The following IL5RA variants were observed in gnomAD, a reference collection of about 807,000 sequenced individuals.
IL5RA encodes interleukin-5 receptor subunit alpha.
IL5RA carries 49 observed loss-of-function variants against 50.0 expected under a neutral mutation model. That is an observed-to-expected ratio of 0.98 (90% CI 0.78 to 1.24). IL5RA has a LOEUF of 1.24. IL5RA is among the 50% of genes most tolerant of loss of function. The pLI is 0.00. For missense variants in IL5RA, 600 were observed against 500.4 expected, an observed-to-expected ratio of 1.20 and a Z score of -1.90; for synonymous variants, 202 against 174.0, an observed-to-expected ratio of 1.16 and a Z score of -1.26.
At chr3:3,080,843 C>T (rs745350105) in intron 9 of IL5RA, among the ~76,000 whole-genome samples, 3 of 152,138 alleles carry the variant, frequency 2.0e-5, no homozygotes, top group Non-Finnish European at 4.4e-5. Flanking sequence ...CACAGGCACG[C>T]ATCACCATGC....
chr3:3,094,719 TG>T (rs1703273626), intron 8 of IL5RA, among the ~76,000 whole-genome samples: 1 of 117,990 alleles, frequency 8.5e-6, no homozygotes, highest in Non-Finnish European at 2.0e-5. Context: ...TTTAGTTTTT[TG>T]TTTTTTTGTT....
At chr3:3,088,935 C>T (rs573253545) in intron 9 of IL5RA, among the ~76,000 whole-genome samples, 5 of 152,202 alleles carry the variant, frequency 3.3e-5, no homozygotes, top group African/African-American at 1.2e-4. Flanking sequence ...AAATTAATGA[C>T]CTTGTTAAAA....
At position 3,069,971 on chromosome 3, in the gene IL5RA, C is replaced by G; in HGVS notation, c.*254G>C. On this transcript the variant is annotated 3_prime_UTR_variant, in exon 12 of 12. Transcript: ENST00000446632. ...GATTGGCAGGTGAGGAGGTGCTACC[C>G]TGTACGGCATGGGGAGAAAAAACAT... The G allele has an allele frequency of 2.6e-6, 1 of 386,690 alleles. No individual in the cohort carries two copies. The highest frequency in any genetic ancestry group is 4.6e-6 in the Non-Finnish European group (1 of 215,122). The allele number at this position is 386,690 out of a possible 1,614,324, so 24.0% of individuals were successfully genotyped here.
intron 9 of IL5RA, among the ~76,000 whole-genome samples, chr3:3,085,917 G>A (rs1164995028): frequency 6.8e-6 from 1 of 148,060 alleles, no homozygotes; most frequent in African/African-American, 2.7e-5. Flanking sequence ...CCTGTCTGCT[G>A]TGACCTCATG....
intron 8 of IL5RA, among the ~76,000 whole-genome samples, chr3:3,094,139 T>G (rs1574997737): frequency 6.6e-6 from 1 of 152,318 alleles, no homozygotes; most frequent in South Asian, 2.1e-4. Flanking sequence ...ATAATGAAAT[T>G]TACCATCTTA....
At position 3,098,262 on chromosome 3, in the gene IL5RA, TA is replaced by T; in HGVS notation, c.395del (p.Leu132Ter). 3.7e-6 allele frequency: 6 copies of T among 1,614,108 alleles called. No individual in the cohort carries two copies. The South Asian group carries it at 6.6e-5, about 18-fold the overall frequency. The part of the protein sequence containing the change: ...PGSPGTSIVN[L>X]TCTTNTTEDN... ...CTTCTGTAGTGTTTGTGGTGCAAGT[TA>T]AATTCACAATTGAGGTTCCAGGAGA... is the stretch of plus-strand genomic sequence containing the variant. On this transcript the variant is annotated frameshift_variant, in exon 6 of 12. Coordinates refer to ENST00000446632, the MANE Select transcript of IL5RA (RefSeq NM_175726.4). LOFTEE classifies it high-confidence loss of function.
At chr3:3,078,398 A>C (rs1279748863) in intron 9 of IL5RA, among the ~76,000 whole-genome samples, 1 of 152,162 alleles carries the variant, frequency 6.6e-6, no homozygotes, top group Non-Finnish European at 1.5e-5. Context: ...CTACCTCCCG[A>C]AAGTTTTAAT....
At chr3:3,084,926 CAGA>C (rs1702795875) in intron 9 of IL5RA, among the ~76,000 whole-genome samples, 1 of 152,260 alleles carries the variant, frequency 6.6e-6, no homozygotes, top group South Asian at 2.1e-4. Context: ...CTCCATGAGG[CAGA>C]ATGTATGCCT....
chr3:3,088,563 G>A (rs530037388), intron 9 of IL5RA, among the ~76,000 whole-genome samples: 23 of 152,320 alleles, frequency 1.5e-4, no homozygotes, highest in Admixed American at 4.6e-4. Context: ...TGGCAGAGCC[G>A]TAGCTAAAAA....
At position 3,076,511 on chromosome 3, in the gene IL5RA, C is replaced by T. The variant is rs1437987315; in HGVS notation, c.1091+20G>A. On this transcript the variant is annotated intron_variant, in intron 10 of 11. Coordinates refer to ENST00000446632, the MANE Select transcript of IL5RA (RefSeq NM_175726.4). Reference sequence around the variant, plus strand: ...GTACTGAAACCCCACTGCAAGCACGCAAATGTAAAGAACACTTACATTTTA... The same window carrying T: ...GTACTGAAACCCCACTGCAAGCACGTAAATGTAAAGAACACTTACATTTTA... 1.3e-6 allele frequency: 2 copies of T among 1,494,054 alleles called. No homozygotes were observed. The highest frequency in any genetic ancestry group is 3.4e-5 in the Admixed American group (2 of 59,098). 92.5% of individuals were successfully genotyped at this position (1,494,054 alleles called of 1,614,324 possible).
At position 3,091,963 on chromosome 3, in the gene IL5RA, G is replaced by A. The variant is rs1487520424; in HGVS notation, c.994+261C>T. On this transcript the variant is annotated intron_variant, in intron 9 of 11. Coordinates refer to ENST00000446632, the MANE Select transcript of IL5RA (RefSeq NM_175726.4). ...AAAAGTTTAATTTAAAAAATGGATA[G>A]AAGTAGAAACAAAACTTGGAAAAAA... is the stretch of plus-strand genomic sequence containing the variant. The A allele has an allele frequency of 1.2e-5, 14 of 1,200,438 alleles. No homozygotes were observed. In the East Asian group the frequency reaches 2.8e-4, roughly 24 times the overall value. The allele number at this position is 1,200,438 out of a possible 1,614,324, so 74.4% of individuals were successfully genotyped here.
At position 3,098,230 on chromosome 3, in the gene IL5RA, T is replaced by C; in HGVS notation, c.428A>G (p.Tyr143Cys). 1 of 1,614,092 alleles carries C rather than the reference T, an allele frequency of 6.2e-7. No individual in the cohort carries two copies. ...TCTTNTTEDNYSRLRSYQVSL... is the reference protein window; with the variant it reads ...TCTTNTTEDNCSRLRSYQVSL... ...AACTTGGTATGACCTTAAACGTGAA[T>C]AATTGTCTTCTGTAGTGTTTGTGGT... The change falls in exon 6 of 12, where the codon TAT becomes TGT. Residue 143 changes from tyrosine (Y) to cysteine (C), a missense_variant. Transcript: ENST00000446632.
intron 9 of IL5RA, among the ~76,000 whole-genome samples, chr3:3,082,679 A>T (rs1179439518): frequency 6.6e-6 from 1 of 152,202 alleles, no homozygotes; most frequent in Non-Finnish European, 1.5e-5. Flanking sequence ...CAGTGGCAAC[A>T]CAGAGGGCAG....
At chr3:3,104,427 C>A (rs915046732) in intron 3 of IL5RA, among the ~76,000 whole-genome samples, 1 of 152,188 alleles carries the variant, frequency 6.6e-6, no homozygotes, top group Non-Finnish European at 1.5e-5. Context: ...CTGCATTGGA[C>A]ATTAGAGAGA....
chr3:3,070,988 C>T (rs533032649), intron 11 of IL5RA, among the ~76,000 whole-genome samples: 9 of 152,234 alleles, frequency 5.9e-5, no homozygotes, highest in Admixed American at 3.9e-4. Flanking sequence ...TCATCATATT[C>T]CTTCCATAAT....
intron 3 of IL5RA, among the ~76,000 whole-genome samples, chr3:3,104,644 G>A (rs188959723): frequency 1.2e-4 from 19 of 152,208 alleles, no homozygotes; most frequent in South Asian, 2.1e-4. Context: ...GACCACTGGC[G>A]CCAGCTTTAT....
At chr3:3,093,892 AT>A (rs1433000947) in intron 8 of IL5RA, among the ~76,000 whole-genome samples, 6 of 152,122 alleles carry the variant, frequency 3.9e-5, no homozygotes, top group Admixed American at 3.3e-4. Context: ...TTGGAATCCT[AT>A]TTTTTTTCCT....
At chr3:3,087,784 G>A (rs980826642) in intron 9 of IL5RA, among the ~76,000 whole-genome samples, 18 of 152,142 alleles carry the variant, frequency 1.2e-4, no homozygotes, top group African/African-American at 3.4e-4. Flanking sequence ...CAGCAAAATC[G>A]CCTGATGGAC....
Position 3,102,779 on chromosome 3 carries a change from C to A in IL5RA, c.124G>T (p.Gly42Cys). 1.9e-6 allele frequency: 3 copies of A among 1,611,792 alleles called. No individual in the cohort carries two copies. The highest frequency in any genetic ancestry group is 1.7e-4 in the Middle Eastern group (1 of 6,052). ...PPVNFTIKVT[G>C]LAQVLLQWKP... The stretch of plus-strand genomic sequence containing the variant: ...CATTGTAAAAGAACTTGAGCCAAAC[C>A]AGTAACTTTAATGGTGAAATTGACA... The change falls in exon 4 of 12, where the codon GGT becomes TGT. Residue 42 changes from glycine to cysteine, a missense_variant. By Grantham distance (159) the Gly-to-Cys change is radical. Transcript: ENST00000446632.
Sources: allele counts gnomAD v4.1 joint callset (sites outside exome capture counted in the v4.1 genomes callset), GRCh38; gene constraint gnomAD v4.1.1; transcripts MANE v1.5; gene names NCBI Gene and HGNC (gene_info 2026-07-23, HGNC 2026-07-21).